The following KLHL11 variants were observed in gnomAD, a reference collection of about 807,000 sequenced individuals.
The protein encoded by KLHL11 is kelch-like protein 11.
KLHL11 carries 26 observed loss-of-function variants against 56.1 expected under a neutral mutation model. That is an observed-to-expected ratio of 0.46 (90% CI 0.34 to 0.64). The LOEUF (loss-of-function observed/expected upper bound fraction) is 0.64, where lower values mean the gene tolerates loss of function less well. KLHL11 is among the 30% of genes least tolerant of loss of function. The probability of loss-of-function intolerance (pLI) is 0.01; values close to 1 mark genes in which losing one functional copy is unlikely to be tolerated. For missense variants in KLHL11, 627 were observed against 919.4 expected, an observed-to-expected ratio of 0.68 and a Z score of 4.11; for synonymous variants, 338 against 345.8, an observed-to-expected ratio of 0.98 and a Z score of 0.25.
rs1555622199 is a variant in KLHL11 at position 41,853,766 on chromosome 17, C to T, written c.2101G>A (p.Val701Met). The change falls in exon 2 of 2, where the codon GTG (valine) becomes ATG (methionine). Residue 701 changes from valine to methionine, a missense_variant. Physicochemically the swap from Val to Met is conservative, Grantham distance 21 (BLOSUM62 1). Coordinates refer to ENST00000319121, the MANE Select transcript of KLHL11 (RefSeq NM_018143.3). ...IHRHALNMRRVPSSQIEC is the reference protein window; with the variant it reads ...IHRHALNMRRMPSSQIEC ...TAGCATTCAATCTGAGAGCTTGGCA[C>T]TCGCCTCATGTTCAGGGCGTGACGA... 9 of 1,612,718 alleles carry T rather than the reference C, an allele frequency of 5.6e-6. No homozygotes were observed. In the African/African-American group the frequency reaches 1.2e-4, roughly 22 times the overall value.
intron 1 of KLHL11, among the ~76,000 whole-genome samples, chr17:41,860,843 T>C (rs1309684848): frequency 2.0e-5 from 3 of 152,146 alleles, no homozygotes; most frequent in Non-Finnish European, 4.4e-5. Flanking sequence ...AATTTTAATA[T>C]GGATTCTACA....
chr17:41,860,617 A>T (rs2048396986), intron 1 of KLHL11, among the ~76,000 whole-genome samples: 1 of 152,114 alleles, frequency 6.6e-6, no homozygotes, highest in Admixed American at 6.6e-5. Flanking sequence ...AGATGATATG[A>T]CAGAATCAAA....
At position 41,852,045 on chromosome 17, in the gene KLHL11, C is replaced by T. The variant is rs2048334969; in HGVS notation, c.*1695G>A. 6.6e-6 allele frequency among the ~76,000 whole-genome samples: 1 copy of T among 152,086 alleles called. No homozygotes were observed. The highest frequency in any genetic ancestry group is 1.5e-5 in the Non-Finnish European group (1 of 68,008). On this transcript the variant is annotated 3_prime_UTR_variant, in exon 2 of 2. Coordinates refer to ENST00000319121, the MANE Select transcript of KLHL11 (RefSeq NM_018143.3). Reference sequence around the variant, plus strand: ...ATCTTTTTAATTTTTATTTGAGACACCGTCTCTCTGTCACCCAAGGTAGAG... The same window carrying T: ...ATCTTTTTAATTTTTATTTGAGACATCGTCTCTCTGTCACCCAAGGTAGAG...
Position 41,854,069 on chromosome 17 carries a change from C to T in KLHL11, c.1798G>A (p.Glu600Lys). Residue 600 changes from glutamate to lysine, a missense_variant, in exon 2 of 2, where the codon GAA (glutamate) becomes AAA (lysine). By Grantham distance (56) the Glu-to-Lys change is moderately conservative. This residue lies in a region of KLHL11 where 250 missense variants were observed against 360.6 expected (regional missense o/e 0.69). Transcript: ENST00000319121. The surrounding 1 kb of genome is among the most constrained non-coding windows in gnomAD (Gnocchi z 4.9). Reference sequence around the variant, plus strand: ...TTGTAATAGCAAATGGCTGCTCCTTCGATGCTTAGGACTTCTGGAGGCAAG... The same window carrying T: ...TTGTAATAGCAAATGGCTGCTCCTTTGATGCTTAGGACTTCTGGAGGCAAG... ...ESLPPEVLSI[E>K]GAAICYYKDD... is the part of the protein sequence containing the mutation. 6.2e-7 allele frequency: 1 copy of T among 1,614,170 alleles called. No individual in the cohort carries two copies. Among genetic ancestry groups the T allele is most frequent in the East Asian group, 2.2e-5 (1 of 44,890 alleles).
At position 41,854,861 on chromosome 17, in the gene KLHL11, T is replaced by C; in HGVS notation, c.1006A>G (p.Ile336Val). 6.2e-7 allele frequency: 1 copy of C among 1,614,214 alleles called. No individual in the cohort carries two copies. The highest frequency in any genetic ancestry group is 8.5e-7 in the Non-Finnish European group (1 of 1,180,034). The change falls in exon 2 of 2, where the codon ATA becomes GTA. Residue 336 changes from isoleucine (I) to valine (V), a missense_variant. Physicochemically the swap from Ile to Val is conservative, Grantham distance 29. Coordinates refer to ENST00000319121, the MANE Select transcript of KLHL11 (RefSeq NM_018143.3). This position sits in a 1 kb window ranked among gnomAD's most constrained non-coding sequence, Gnocchi z 4.9. ...GGGTGCTGGCATGTGCCAGATTGTA[T>C]ATTCTCAGCTCTCAGAGCATGTCTC... ...VERHALRAEN[I>V]QSGTCQHPTS...
intron 1 of KLHL11, among the ~76,000 whole-genome samples, chr17:41,862,215 A>C: frequency 6.6e-6 from 1 of 151,756 alleles, no homozygotes; most frequent in African/African-American, 2.4e-5. Context: ...CAGCCTCCTG[A>C]GTAGTTGGGA....
rs2048326829 is a variant in KLHL11 at position 41,850,497 on chromosome 17, GAACAAAA to G, written c.*3236_*3242del. 1 of 151,992 alleles carries G rather than the reference GAACAAAA, an allele frequency of 6.6e-6. No homozygotes were observed. Among genetic ancestry groups the G allele is most frequent in the African/African-American group, 2.4e-5 (1 of 41,374 alleles). The allele number at this position is 151,992 out of a possible 1,614,324, so 9.4% of individuals were successfully genotyped here. Reference sequence around the variant, plus strand: ...TAATTATCTCAGAAGACAACTCTGAGAACAAAAAACAAAAAACACATCACACCCTTCC... The same window carrying G: ...TAATTATCTCAGAAGACAACTCTGAGAACAAAAAACACATCACACCCTTCC... On this transcript the variant is annotated 3_prime_UTR_variant, in exon 2 of 2. Transcript: ENST00000319121.
In KLHL11 at chr17:41,849,943, A is replaced by C. The variant is rs1208188235; in HGVS notation, c.*3797T>G. 1 of 152,204 alleles carries C rather than the reference A, an allele frequency of 6.6e-6. No individual in the cohort carries two copies. The highest frequency in any genetic ancestry group is 6.5e-5 in the Admixed American group (1 of 15,274). The allele number at this position is 152,204 out of a possible 1,614,324, so 9.4% of individuals were successfully genotyped here. ...TCTCTCTTCTACAAACAAAAGCAAA[A>C]GCAACAAAACAAAGGTTTGCTTGAA... On this transcript the variant is annotated 3_prime_UTR_variant, in exon 2 of 2. Coordinates refer to ENST00000319121, the MANE Select transcript of KLHL11 (RefSeq NM_018143.3).
chr17:41,855,556 G>C (rs1292906221), intron 1 of KLHL11, among the ~76,000 whole-genome samples: 1 of 152,124 alleles, frequency 6.6e-6, no homozygotes, highest in African/African-American at 2.4e-5. Flanking sequence ...TTTTAGTAGA[G>C]ACAGGGTTTC....
chr17:41,864,793 G>A (rs1555623366), intron 1 of KLHL11, 33 bp downstream of exon 1: 2 of 1,478,460 alleles, frequency 1.4e-6, no homozygotes, highest in East Asian at 2.6e-5. Flanking sequence ...CTCCGCGCCC[G>A]CCGCCCTCCG....
chr17:41,863,249 G>A (rs1408075102), intron 1 of KLHL11, among the ~76,000 whole-genome samples: 2 of 150,176 alleles, frequency 1.3e-5, no homozygotes, highest in Non-Finnish European at 3.0e-5. Flanking sequence ...GGAGTAGAGC[G>A]GCGCAATCTC....
Position 41,865,338 on chromosome 17 carries a change from C to T in KLHL11, c.33G>A (p.Ala11=), listed in dbSNP as rs373544938. Residue 11 remains alanine (A), a synonymous_variant, in exon 1 of 2, where the codon GCG becomes GCA. Transcript: ENST00000319121. ...CCTGAAGAGATGCAGCCGCGGCCGC[C>T]GCCGCCGCCGCCGCCACTGCCGCAG... MAAAAVAAAA[A]AAAAASLQVL... is the part of the protein sequence containing the mutation. 5.6e-6 allele frequency: 8 copies of T among 1,436,310 alleles called. No homozygotes were observed. In the African/African-American group the frequency reaches 1.1e-4, roughly 19 times the overall value. The allele number at this position is 1,436,310 out of a possible 1,614,324, so 89.0% of individuals were successfully genotyped here.
chr17:41,858,450 G>A (rs2048382045), intron 1 of KLHL11, among the ~76,000 whole-genome samples: 1 of 9,240 alleles, frequency 1.1e-4, no homozygotes, highest in African/African-American at 3.3e-4. Context: ...TTTTCTCCCC[G>A]AGATGGAGTT....
At chr17:41,860,165 A>G (rs1174879854) in intron 1 of KLHL11, among the ~76,000 whole-genome samples, 1 of 152,138 alleles carries the variant, frequency 6.6e-6, no homozygotes, top group Admixed American at 6.6e-5. Flanking sequence ...TCTGGGTGCC[A>G]GTGTCACCTG....
At chr17:41,863,578 G>A (rs1406445873) in intron 1 of KLHL11, among the ~76,000 whole-genome samples, 1 of 152,144 alleles carries the variant, frequency 6.6e-6, no homozygotes, top group Non-Finnish European at 1.5e-5. Context: ...ATTTCAATCA[G>A]AGTAAAAGCT....
At chr17:41,860,915 G>A (rs1475282803) in intron 1 of KLHL11, among the ~76,000 whole-genome samples, 1 of 152,150 alleles carries the variant, frequency 6.6e-6, no homozygotes, top group African/African-American at 2.4e-5. Context: ...CAGAGGGGCC[G>A]AAACCACAGG....
At position 41,851,137 on chromosome 17, in the gene KLHL11, G is replaced by A. The variant is rs1156400724; in HGVS notation, c.*2603C>T. On this transcript the variant is annotated 3_prime_UTR_variant, in exon 2 of 2. Coordinates refer to ENST00000319121, the MANE Select transcript of KLHL11 (RefSeq NM_018143.3). The stretch of plus-strand genomic sequence containing the variant: ...TTCTTAAGAAACAGGATAAATCATT[G>A]GACAGGTGGCTCTTTGGGAGGCCAA... 6.6e-6 allele frequency: 1 copy of A among 152,160 alleles called. No homozygotes were observed. Among genetic ancestry groups the A allele is most frequent in the Admixed American group, 6.6e-5 (1 of 15,264 alleles). 9.4% of individuals were successfully genotyped at this position (152,160 alleles called of 1,614,324 possible). A position where few individuals can be genotyped will look rare whatever the true frequency, so the allele number is the denominator to read the frequency against.
Position 41,855,222 on chromosome 17 carries a change from G to T in KLHL11, c.645C>A (p.Tyr215Ter). The T allele has an allele frequency of 6.2e-7, 1 of 1,613,866 alleles. No individual in the cohort carries two copies. Among genetic ancestry groups the T allele is most frequent in the Non-Finnish European group, 8.5e-7 (1 of 1,179,906 alleles). The part of the protein sequence containing the change: ...CVAIHSLAHM[Y>*]TLSQLALKAA... Reference sequence around the variant, plus strand: ...CCTTCAGAGCAAGTTGGCTCAGGGTGTACATGTGTGCTAAGCTATGAATTG... The same window carrying T: ...CCTTCAGAGCAAGTTGGCTCAGGGTTTACATGTGTGCTAAGCTATGAATTG... Residue 215 changes from tyrosine to a stop codon, truncating the protein, a stop_gained, in exon 2 of 2, where the codon TAC (tyrosine) becomes TAA (stop). Transcript: ENST00000319121. LOFTEE classifies it high-confidence loss of function.
chr17:41,859,659 G>C (rs782204133), intron 1 of KLHL11, among the ~76,000 whole-genome samples: 2 of 152,122 alleles, frequency 1.3e-5, no homozygotes, highest in Non-Finnish European at 2.9e-5. Flanking sequence ...TGAGGCATAA[G>C]AATTGCCTGA....
Sources: allele counts gnomAD v4.1 joint callset (sites outside exome capture counted in the v4.1 genomes callset), GRCh38; gene constraint gnomAD v4.1.1; regional missense constraint gnomAD v4.1.1; non-coding constraint Gnocchi (gnomAD v3.1); transcripts MANE v1.5; gene names NCBI Gene and HGNC (gene_info 2026-07-23, HGNC 2026-07-21).